Variants in STX11 observed in about 807,000 individuals in gnomAD.
STX11 encodes the protein syntaxin-11.
Under a neutral mutation model 19.9 loss-of-function variants are expected in STX11, and 21 were observed. The ratio of observed to expected loss-of-function variants is 1.06; its 90% confidence interval spans 0.75 to 1.52. The LOEUF is 1.52. Among genes scored for constraint, STX11 ranks in the 40% most tolerant of loss-of-function variants. STX11 has a pLI of 0.00. For missense variants in STX11, 438 were observed against 405.9 expected (o/e 1.08, Z -0.68); for synonymous variants, 193 against 174.4 (o/e 1.11, Z -0.84).
At position 144,151,839 on chromosome 6, in the gene STX11, G is replaced by A. The variant is rs563128394; in HGVS notation, c.-6+1136G>A. Among the ~76,000 whole-genome samples, 2 of 152,328 alleles carry A rather than the reference G, an allele frequency of 1.3e-5. No individual in the cohort carries two copies. Among genetic ancestry groups the A allele is most frequent in the South Asian group, 2.1e-4 (1 of 4,830 alleles). On this transcript the variant is annotated intron_variant, in intron 1 of 1. Coordinates refer to ENST00000367568, the MANE Select transcript of STX11 (RefSeq NM_003764.4). The surrounding 1 kb of genome is among the most constrained non-coding windows in gnomAD (Gnocchi z 4.6). ...TGATTTTTGAAGCGGGTGGGTCCCA[G>A]CGGGAGCAGAGAAATTTAAAAGTTG...
intron 1 of STX11, among the ~76,000 whole-genome samples, chr6:144,163,778 C>T (rs1801407194): frequency 6.6e-6 from 1 of 152,116 alleles, no homozygotes; most frequent in Non-Finnish European, 1.5e-5. Flanking sequence ...AGCCACTGTG[C>T]CTGGCCCCAA....
chr6:144,140,006 GACCCTACCAAAGATC>G, the STX11 span, among the ~76,000 whole-genome samples: 1 of 151,440 alleles, frequency 6.6e-6, no homozygotes, highest in African/African-American at 2.4e-5. Context: ...GGCCATGTTA[GACCCTACCAAAGATC>G]ACTCCTCACA....
chr6:144,150,003 A>C (rs1034935167), upstream of STX11, among the ~76,000 whole-genome samples: 10 of 146,856 alleles, frequency 6.8e-5, no homozygotes, highest in Non-Finnish European at 1.5e-4. Context: ...GTTGAGGCCG[A>C]CTGGAGAGAG....
chr6:144,150,395 G>A (rs1430228560), upstream of STX11: 21 of 729,920 alleles, frequency 2.9e-5, no homozygotes, highest in Non-Finnish European at 3.5e-5. Flanking sequence ...ACTCTGGGTG[G>A]GGCGGGAACC....
rs578124111 is a variant in STX11 at position 144,152,433 on chromosome 6, A to G, written c.-6+1730A>G. ...ATTTACTTGTCTTTGTAGGCAGCCT[A>G]TTCTTCATTTGATACATGATTTAAA... On this transcript the variant is annotated intron_variant, in intron 1 of 1. Coordinates refer to ENST00000367568, the MANE Select transcript of STX11 (RefSeq NM_003764.4). This position sits in a 1 kb window ranked among gnomAD's most constrained non-coding sequence, Gnocchi z 4.9. Among the ~76,000 whole-genome samples, 23 of 152,346 alleles carry G rather than the reference A, an allele frequency of 1.5e-4. No individual in the cohort carries two copies. Among genetic ancestry groups the G allele is most frequent in the Non-Finnish European group, 3.1e-4 (21 of 68,030 alleles).
At position 144,183,674 on chromosome 6, in the gene STX11, G is replaced by A. The variant is rs1410037729; in HGVS notation, c.-5-2949G>A. 6.6e-6 allele frequency among the ~76,000 whole-genome samples: 1 copy of A among 152,152 alleles called. No homozygotes were observed. The highest frequency in any genetic ancestry group is 6.6e-5 in the Admixed American group (1 of 15,266). On this transcript the variant is annotated intron_variant, in intron 1 of 1. Coordinates refer to ENST00000367568, the MANE Select transcript of STX11 (RefSeq NM_003764.4). This position sits in a 1 kb window ranked among gnomAD's most constrained non-coding sequence, Gnocchi z 4.6. Reference sequence around the variant, plus strand: ...AATGTACTTGCTTAGTTCAGCAGAAGCTGAGAGAGGTCTCAAGACCCTGAA... The same window carrying A: ...AATGTACTTGCTTAGTTCAGCAGAAACTGAGAGAGGTCTCAAGACCCTGAA...
intron 1 of STX11, among the ~76,000 whole-genome samples, chr6:144,164,100 T>C (rs1801416146): frequency 6.6e-6 from 1 of 152,202 alleles, no homozygotes; most frequent in Non-Finnish European, 1.5e-5. Flanking sequence ...ACTCAATAAA[T>C]ACTTGTTGAA....
At position 144,154,358 on chromosome 6, in the gene STX11, T is replaced by A. The variant is rs1380765924; in HGVS notation, c.-6+3655T>A. Reference sequence around the variant, plus strand: ...ATGACATCCCACCCCCTACCTTCACTCCAAGAAATACCTGATTCATCTAGG... The same window carrying A: ...ATGACATCCCACCCCCTACCTTCACACCAAGAAATACCTGATTCATCTAGG... On this transcript the variant is annotated intron_variant, in intron 1 of 1. Coordinates refer to ENST00000367568, the MANE Select transcript of STX11 (RefSeq NM_003764.4). The surrounding 1 kb of genome is among the most constrained non-coding windows in gnomAD (Gnocchi z 4.7). Among the ~76,000 whole-genome samples, 2 of 152,156 alleles carry A rather than the reference T, an allele frequency of 1.3e-5. No homozygotes were observed. Among genetic ancestry groups the A allele is most frequent in the Non-Finnish European group, 2.9e-5 (2 of 68,028 alleles).
chr6:144,172,932 C>T lies in STX11; in HGVS notation c.-5-13691C>T, dbSNP rs188592814. The stretch of plus-strand genomic sequence containing the variant: ...CAGGATACATATGACAACCACTGGT[C>T]CATAGCAGTTCTGTCCAAGCACATG... On this transcript the variant is annotated intron_variant, in intron 1 of 1. Coordinates refer to ENST00000367568, the MANE Select transcript of STX11 (RefSeq NM_003764.4). This position sits in a 1 kb window ranked among gnomAD's most constrained non-coding sequence, Gnocchi z 4.2. Among the ~76,000 whole-genome samples, 8 of 152,286 alleles carry T rather than the reference C, an allele frequency of 5.3e-5. No homozygotes were observed. Among genetic ancestry groups the T allele is most frequent in the Admixed American group, 3.9e-4 (6 of 15,284 alleles).
At chr6:144,171,151 T>A (rs1801620014) in intron 1 of STX11, among the ~76,000 whole-genome samples, 1 of 152,190 alleles carries the variant, frequency 6.6e-6, no homozygotes, top group Non-Finnish European at 1.5e-5. Flanking sequence ...TCTGGATATG[T>A]CTCCACATAA....
upstream of STX11, among the ~76,000 whole-genome samples, chr6:144,147,226 T>C (rs1427985167): frequency 2.0e-5 from 3 of 151,952 alleles, no homozygotes; most frequent in Non-Finnish European, 4.4e-5. This position sits in a 1 kb window ranked among gnomAD's most constrained non-coding sequence, Gnocchi z 4.2. Context: ...CATTTCTTTG[T>C]CTTCATCTGA....
At position 144,186,967 on chromosome 6, in the gene STX11, G is replaced by T. The variant is rs1470979736; in HGVS notation, c.340G>T (p.Ala114Ser). The change falls in exon 2 of 2, where the codon GCT (alanine) becomes TCT (serine). Residue 114 changes from alanine to serine, a missense_variant. Ala to Ser is a moderately conservative substitution (Grantham distance 99). Coordinates refer to ENST00000367568, the MANE Select transcript of STX11 (RefSeq NM_003764.4). ...LRAMKELSEA[A>S]EAQHGPHSAV... ...CGCCATGAAGGAGCTGAGCGAGGCG[G>T]CTGAGGCCCAGCACGGCCCGCACTC... 1.2e-6 allele frequency: 2 copies of T among 1,608,998 alleles called. No homozygotes were observed. Among genetic ancestry groups the T allele is most frequent in the Non-Finnish European group, 8.5e-7 (1 of 1,179,676 alleles).
chr6:144,186,203 A>G (rs1360517624), intron 1 of STX11, among the ~76,000 whole-genome samples: 1 of 147,484 alleles, frequency 6.8e-6, no homozygotes, highest in Non-Finnish European at 1.5e-5. Flanking sequence ...GCATTAGGAG[A>G]TATACCTAAT....
rs1801002129 is a variant in STX11, at chr6:144,151,348, G to A, written c.-6+645G>A. ...AGCTGAGATCTGTATTACTTCCTGT[G>A]GTTCTCACGCACTTGTTTCAGCCGT... On this transcript the variant is annotated intron_variant, in intron 1 of 1. Transcript: ENST00000367568. This position sits in a 1 kb window ranked among gnomAD's most constrained non-coding sequence, Gnocchi z 4.6. 2.0e-6 allele frequency: 2 copies of A among 985,306 alleles called. No homozygotes were observed. Among genetic ancestry groups the A allele is most frequent in the African/African-American group, 1.7e-5 (1 of 57,230 alleles). 61.0% of individuals were successfully genotyped at this position (985,306 alleles called of 1,614,324 possible).
chr6:144,148,223 A>G (rs987766041), upstream of STX11, among the ~76,000 whole-genome samples: 7 of 152,088 alleles, frequency 4.6e-5, no homozygotes, highest in Admixed American at 1.3e-4. Context: ...TCCTAGCCCC[A>G]CCACCATCAC....
chr6:144,140,551 G>A, the STX11 span, among the ~76,000 whole-genome samples: 1 of 151,892 alleles, frequency 6.6e-6, no homozygotes, highest in African/African-American at 2.4e-5. Flanking sequence ...CATCATGCCT[G>A]GCCCAATTCA....
the STX11 span, among the ~76,000 whole-genome samples, chr6:144,140,241 TATATATATATATATTTATTTA>T: frequency 4.0e-5 from 2 of 50,170 alleles, no homozygotes; most frequent in African/African-American, 2.8e-4. Flanking sequence ...TATATATATA[TATATATATATATATTTATTTA>T]TTTATTTTTT....
intron 1 of STX11, among the ~76,000 whole-genome samples, chr6:144,171,499 C>T (rs1479154820): frequency 6.6e-6 from 1 of 152,172 alleles, no homozygotes; most frequent in East Asian, 1.9e-4. Context: ...ACTTGTGATA[C>T]ACTTCAAACT....
In STX11 at chr6:144,160,579, C is replaced by A. The variant is rs890046465; in HGVS notation, c.-6+9876C>A. ...ACAAAGCAAATAGGCCAAGTGCTAA[C>A]ATGTGCATATTTAACCTATGAACCT... On this transcript the variant is annotated intron_variant, in intron 1 of 1. Transcript: ENST00000367568. The surrounding 1 kb of genome is among the most constrained non-coding windows in gnomAD (Gnocchi z 4.3). Among the ~76,000 whole-genome samples the A allele has an allele frequency of 3.3e-5, 5 of 152,178 alleles. No homozygotes were observed. The highest frequency in any genetic ancestry group is 1.2e-4 in the African/African-American group (5 of 41,436).
Sources: gnomAD v4.1 joint callset for allele counts (sites outside exome capture counted in the v4.1 genomes callset) on GRCh38, gnomAD v4.1.1 for gene constraint, Gnocchi (gnomAD v3.1) non-coding constraint, MANE v1.5 for transcripts, NCBI Gene and HGNC (gene_info 2026-07-23, HGNC 2026-07-21) for gene names.